The following CPZ variants were observed in gnomAD, a reference collection of about 807,000 sequenced individuals.
CPZ encodes the protein VEZT/CPZ fusion.
In CPZ, 103 loss-of-function variants were observed where a neutral mutation model predicts 61.8. That is an observed-to-expected ratio of 1.67 (90% CI 1.42 to 1.96). The LOEUF (loss-of-function observed/expected upper bound fraction) is 1.96, where lower values mean the gene tolerates loss of function less well. CPZ is among the 30% of genes most tolerant of loss of function. The pLI is 0.00. For missense variants in CPZ, 1,461 were observed against 914.9 expected (o/e 1.60, Z -7.70); for synonymous variants, 551 against 373.7 (o/e 1.47, Z -5.47).
chr4:8,612,217 T>TGGGGGG, intron 8 of CPZ, 55 bp downstream of exon 8: 1 of 68,040 alleles, frequency 1.5e-5, no homozygotes. Flanking sequence ...AGGGGCTGGG[T>TGGGGGG]GGGGCAGGGG....
intron 7 of CPZ, among the ~76,000 whole-genome samples, chr4:8,610,061 C>G (rs1715521285): frequency 6.6e-6 from 1 of 152,226 alleles, no homozygotes; most frequent in Non-Finnish European, 1.5e-5. Flanking sequence ...CTGCCAACCC[C>G]TTTCTGGCTT....
rs531809420 is a variant in CPZ at position 8,619,513 on chromosome 4, C to A, written c.1855C>A (p.Leu619Ile). 1 of 1,598,640 alleles carries A rather than the reference C, an allele frequency of 6.3e-7. No individual in the cohort carries two copies. Among genetic ancestry groups the A allele is most frequent in the Admixed American group, 1.7e-5 (1 of 58,572 alleles). Residue 619 changes from leucine (L) to isoleucine (I), a missense_variant, in exon 11 of 11, where the codon CTC (leucine) becomes ATC (isoleucine). Transcript: ENST00000360986. ...SLGEATEPDP[L>I]RARRQPSADG... is the part of the protein sequence containing the mutation. ...GGGGGAGGCCACGGAGCCCGACCCG[C>A]TCCGGGCGCGCAGGCAGCCCTCGGC...
rs974272519 is a variant in CPZ, at chr4:8,592,805, G to T, written c.-29G>T. 18 of 1,415,654 alleles carry T rather than the reference G, an allele frequency of 1.3e-5. No individual in the cohort carries two copies. The highest frequency in any genetic ancestry group is 1.7e-5 in the Non-Finnish European group (18 of 1,086,232). 87.7% of individuals were successfully genotyped at this position (1,415,654 alleles called of 1,614,324 possible). ...CGCGGCCCGAGTGCCACATCACTGCGCTGGCCGTCCAAGGTCCGCCGCCCC... is the reference window on the plus strand; with the variant it reads ...CGCGGCCCGAGTGCCACATCACTGCTCTGGCCGTCCAAGGTCCGCCGCCCC... On this transcript the variant is annotated 5_prime_UTR_variant, in exon 1 of 11. Coordinates refer to ENST00000360986, the MANE Select transcript of CPZ (RefSeq NM_001014447.3).
intron 9 of CPZ, among the ~76,000 whole-genome samples, chr4:8,617,083 G>A (rs1373003800): frequency 1.3e-5 from 2 of 152,254 alleles, no homozygotes; most frequent in Non-Finnish European, 2.9e-5. Context: ...TGACAGCTGG[G>A]CGTGAGCCTG....
At chr4:8,610,985 C>T (rs1038599522) in intron 7 of CPZ, among the ~76,000 whole-genome samples, 3 of 151,394 alleles carry the variant, frequency 2.0e-5, no homozygotes, top group Non-Finnish European at 2.9e-5. Flanking sequence ...TTCACTCAGT[C>T]ACTCACTCTT....
chr4:8,597,093 G>C (rs1398794900), intron 1 of CPZ, among the ~76,000 whole-genome samples: 3 of 152,196 alleles, frequency 2.0e-5, no homozygotes, highest in Non-Finnish European at 4.4e-5. Context: ...AGCTGACTGT[G>C]CTGTAGCATC....
At chr4:8,612,933 T>C (rs1438199117) in intron 8 of CPZ, among the ~76,000 whole-genome samples, 1 of 152,210 alleles carries the variant, frequency 6.6e-6, no homozygotes, top group Non-Finnish European at 1.5e-5. Flanking sequence ...TCTTGCACAC[T>C]CTGAAGCCAT....
chr4:8,609,104 TCCC>T (rs1577119652), intron 7 of CPZ, among the ~76,000 whole-genome samples: 3 of 74,856 alleles, frequency 4.0e-5, no homozygotes, highest in Non-Finnish European at 6.5e-5. Flanking sequence ...ACTCACTCAC[TCCC>T]TTCCTCACTC....
chr4:8,595,571 T>A (rs1714119277), intron 1 of CPZ, among the ~76,000 whole-genome samples: 1 of 152,212 alleles, frequency 6.6e-6, no homozygotes, highest in African/African-American at 2.4e-5. Flanking sequence ...ATCATGGGAC[T>A]AGCTGTGTGG....
Position 8,612,120 on chromosome 4 carries a change from G to A in CPZ, c.1321G>A (p.Gly441Arg), listed in dbSNP as rs775707132. 5 of 1,610,894 alleles carry A rather than the reference G, an allele frequency of 3.1e-6. No individual in the cohort carries two copies. In the Admixed American group the frequency reaches 6.7e-5, roughly 22 times the overall value. The change falls in exon 8 of 11, where the codon GGG (glycine) becomes AGG (arginine). Residue 441 changes from glycine (G) to arginine (R), a missense_variant. Physicochemically the swap from Gly to Arg is moderately radical, Grantham distance 125 (BLOSUM62 -2). Coordinates refer to ENST00000360986, the MANE Select transcript of CPZ (RefSeq NM_001014447.3). ...GTGTGGAGGCAATTTCCTGAAGAGG[G>A]GGAGCATCATCAACGGGGCGGACTG... ...NRCGGNFLKR[G>R]SIINGADWYS... is the part of the protein sequence containing the mutation.
intron 10 of CPZ, among the ~76,000 whole-genome samples, chr4:8,618,785 TGCCGCCTCCTCCAACATTGCCGGGGAGA>T (rs1261696602): frequency 3.3e-5 from 5 of 152,210 alleles, no homozygotes; most frequent in Non-Finnish European, 7.3e-5. Context: ...CCTAGGAAAA[TGCCGCCTCCTCCAACATTGCCGGGGAGA>T]GCCACCTCCA....
chr4:8,609,028 T>TTCACTCACCCATTTAC (rs1715297961), intron 7 of CPZ, among the ~76,000 whole-genome samples: 1 of 106,576 alleles, frequency 9.4e-6, no homozygotes, highest in Non-Finnish European at 2.4e-5. Flanking sequence ...AACTCACTCC[T>TTCACTCACCCATTTAC]TCACTCACCC....
chr4:8,614,399 G>C lies in CPZ; in HGVS notation c.1404G>C (p.Glu468Asp), dbSNP rs368340155. 2 of 1,613,874 alleles carry C rather than the reference G, an allele frequency of 1.2e-6. No homozygotes were observed. Among genetic ancestry groups the C allele is most frequent in the Admixed American group, 1.7e-5 (1 of 59,996 alleles). The change falls in exon 9 of 11, where the codon GAG becomes GAC. Residue 468 changes from glutamate (E) to aspartate (D), a missense_variant. Physicochemically the swap from Glu to Asp is conservative, Grantham distance 45. Transcript: ENST00000360986. ...DFNYLHTNCF[E>D]ITVELGCVKF... The stretch of plus-strand genomic sequence containing the variant: ...ACTACCTGCACACCAACTGCTTTGA[G>C]ATCACGGTAGAGCTGGGCTGTGTGA...
At chr4:8,598,597 C>T (rs557090052) in intron 1 of CPZ, among the ~76,000 whole-genome samples, 3 of 152,370 alleles carry the variant, frequency 2.0e-5, no homozygotes, top group Non-Finnish European at 2.9e-5. Context: ...CCCAGCCTGC[C>T]CCCTCTCTGG....
intron 9 of CPZ, chr4:8,618,134 G>A (rs1020773688): frequency 2.5e-6 from 1 of 395,568 alleles, no homozygotes; most frequent in African/African-American, 2.0e-5. Context: ...TGGCAGGAAA[G>A]GGTTCTCTGC....
In CPZ at chr4:8,601,202, C is replaced by G. The variant is rs1714550538; in HGVS notation, c.201C>G (p.His67Gln). 1 of 1,612,960 alleles carries G rather than the reference C, an allele frequency of 6.2e-7. No homozygotes were observed. Among genetic ancestry groups the G allele is most frequent in the African/African-American group, 1.3e-5 (1 of 74,930 alleles). ...CCACCTTCCCCAACCTGCTTCAGCA[C>G]CGGTCGTGGGAGGTGGTGGAGGCCA... ...NHTTFPNLLQ[H>Q]RSWEVVEASS... The change falls in exon 3 of 11, where the codon CAC (histidine) becomes CAG (glutamine). Residue 67 changes from histidine to glutamine, a missense_variant. Coordinates refer to ENST00000360986, the MANE Select transcript of CPZ (RefSeq NM_001014447.3).
At position 8,601,143 on chromosome 4, in the gene CPZ, C is replaced by T. The variant is rs1311113903; in HGVS notation, c.142C>T (p.Leu48Phe). 1.9e-6 allele frequency: 3 copies of T among 1,585,438 alleles called. No individual in the cohort carries two copies. The highest frequency in any genetic ancestry group is 2.6e-6 in the Non-Finnish European group (3 of 1,161,072). Residue 48 changes from leucine to phenylalanine, a missense_variant, in exon 3 of 11, where the codon CTC becomes TTC. Coordinates refer to ENST00000360986, the MANE Select transcript of CPZ (RefSeq NM_001014447.3). ...CCCAGCCACCTGCGTGGACCTGCAG[C>T]TCAGGACCTGCAGCGATGCCGCCTA... ...ADSATCVDLQ[L>F]RTCSDAAYNH...
chr4:8,601,825 G>A (rs1237593013), intron 3 of CPZ: 5 of 240,160 alleles, frequency 2.1e-5, no homozygotes, highest in African/African-American at 4.5e-5. Context: ...CAGGCCTCGT[G>A]TGGGGGAGCC....
In CPZ at chr4:8,604,123, G is replaced by C. The variant is rs779520052; in HGVS notation, c.644G>C (p.Arg215Pro). The C allele has an allele frequency of 2.5e-5, 40 of 1,597,796 alleles. No homozygotes were observed. The highest frequency in any genetic ancestry group is 2.9e-5 in the Non-Finnish European group (34 of 1,172,508). The change falls in exon 4 of 11, where the codon CGC (arginine) becomes CCC (proline). Residue 215 changes from arginine to proline, a missense_variant. Arg to Pro is a moderately radical substitution (Grantham distance 103). Transcript: ENST00000360986. ...GTGGCCAGGACCTACAGCATCGGGC[G>C]CAGCTTCGACGGCAGGGAGCTGCTG... The part of the protein sequence containing the change: ...AHVARTYSIG[R>P]SFDGRELLVI...
Sources: gnomAD v4.1 joint callset for allele counts (sites outside exome capture counted in the v4.1 genomes callset) on GRCh38, gnomAD v4.1.1 for gene constraint, MANE v1.5 for transcripts, NCBI Gene and HGNC (gene_info 2026-07-23, HGNC 2026-07-21) for gene names.